TEX11: variants seen among roughly 807,000 people sequenced by gnomAD.
TEX11 encodes the protein testis-expressed protein 11.
A neutral mutation model predicts 84.4 loss-of-function variants in TEX11; 7 were observed. The observed-to-expected ratio is 0.08, with a 90% CI of 0.05 to 0.16. The LOEUF (loss-of-function observed/expected upper bound fraction) is 0.16. Ranked by LOEUF, TEX11 falls within the 10% of genes least tolerant of loss-of-function variation. The probability of loss-of-function intolerance (pLI) is 1.00; values close to 1 mark genes in which losing one functional copy is unlikely to be tolerated. For missense variants in TEX11, 551 were observed against 660.5 expected (o/e 0.83, Z 1.82); for synonymous variants, 264 against 222.8 (o/e 1.18, Z -1.64).
intron 13 of TEX11, among the ~76,000 whole-genome samples, chrX:70,700,268 A>C (rs763958647): frequency 3.8e-4 from 42 of 111,198 alleles, no homozygotes; most frequent in South Asian, 7.7e-4. Context: ...AGCACGTGCC[A>C]CCAGATACTG....
chrX:70,722,025 T>C (rs1043571295), intron 13 of TEX11, among the ~76,000 whole-genome samples: 2 of 111,815 alleles, frequency 1.8e-5, no homozygotes, highest in African/African-American at 6.5e-5. Context: ...TTCTTAACCA[T>C]AAAAGTGGAG....
intron 9 of TEX11, among the ~76,000 whole-genome samples, chrX:70,788,237 TG>T (rs2147791990): frequency 8.9e-6 from 1 of 111,806 alleles, no homozygotes; most frequent in East Asian, 2.8e-4. Context: ...TACAGCTGGA[TG>T]GTTCACACAA....
chrX:70,900,395 AAAG>A (rs1556245993), intron 2 of TEX11, among the ~76,000 whole-genome samples: 1 of 60,087 alleles, frequency 1.7e-5, no homozygotes, highest in African/African-American at 5.6e-5. Flanking sequence ...AAAAAAAAAA[AAAG>A]AAGAAGAAGA....
intron 17 of TEX11, among the ~76,000 whole-genome samples, chrX:70,640,796 T>G (rs2089646541): frequency 9.1e-6 from 1 of 109,996 alleles, no homozygotes; most frequent in African/African-American, 3.3e-5. Flanking sequence ...GAACAACGGG[T>G]ACCAGCTGCT....
chrX:70,826,507 G>A (rs1201580267), intron 8 of TEX11, among the ~76,000 whole-genome samples: 1 of 111,500 alleles, frequency 9.0e-6, no homozygotes, highest in African/African-American at 3.3e-5. Context: ...GCATTGAAGA[G>A]GGCAGGATAA....
At chrX:70,861,486 A>T (rs2091569803) in intron 4 of TEX11, among the ~76,000 whole-genome samples, 1 of 106,868 alleles carries the variant, frequency 9.4e-6, no homozygotes, top group South Asian at 4.2e-4. Flanking sequence ...TATTTTTGAG[A>T]TGGAGTCTCA....
intron 4 of TEX11, among the ~76,000 whole-genome samples, chrX:70,872,766 T>A (rs1454064887): frequency 1.8e-5 from 2 of 112,139 alleles, no homozygotes; most frequent in Non-Finnish European, 1.9e-5. Flanking sequence ...TGTTTATCAA[T>A]CCATCTCCTG....
intron 2 of TEX11, among the ~76,000 whole-genome samples, chrX:70,884,781 T>G (rs2091699495): frequency 9.1e-6 from 1 of 110,006 alleles, no homozygotes; most frequent in Non-Finnish European, 1.9e-5. Context: ...AGCAGTGTCC[T>G]GATCCTGGAG....
chrX:70,718,505 G>A (rs1403576970), intron 13 of TEX11, among the ~76,000 whole-genome samples: 3 of 111,919 alleles, frequency 2.7e-5, no homozygotes, highest in South Asian at 3.7e-4. Flanking sequence ...GAGCACTTTC[G>A]CGAGAAAGAT....
intron 17 of TEX11, among the ~76,000 whole-genome samples, chrX:70,638,678 G>A (rs2089604982): frequency 9.3e-6 from 1 of 107,780 alleles, no homozygotes; most frequent in Non-Finnish European, 1.9e-5. Flanking sequence ...GCATGTGCCT[G>A]TAGTCCCAGC....
intron 9 of TEX11, among the ~76,000 whole-genome samples, chrX:70,804,354 G>C (rs2091206162): frequency 8.9e-6 from 1 of 112,181 alleles, no homozygotes. Flanking sequence ...TCTACTGTTA[G>C]AAAAACTATT....
At chrX:70,760,347 T>C (rs1364104170) in intron 9 of TEX11, among the ~76,000 whole-genome samples, 3 of 111,873 alleles carry the variant, frequency 2.7e-5, no homozygotes, top group Non-Finnish European at 5.6e-5. Context: ...GGCATCATGC[T>C]ACCTGACTTC....
intron 13 of TEX11, among the ~76,000 whole-genome samples, chrX:70,688,958 T>C (rs1305684248): frequency 1.8e-5 from 2 of 108,897 alleles, no homozygotes; most frequent in Non-Finnish European, 3.8e-5. Context: ...ATAAGTAGAG[T>C]CTGTAAGAAT....
At chrX:70,785,451 A>T (rs1304081270) in intron 9 of TEX11, among the ~76,000 whole-genome samples, 1 of 112,166 alleles carries the variant, frequency 8.9e-6, no homozygotes, top group Non-Finnish European at 1.9e-5. Flanking sequence ...TGGCAACAAA[A>T]GCCAAAATTG....
chrX:70,894,623 T>TAA (rs756394243), intron 2 of TEX11, among the ~76,000 whole-genome samples: 1 of 94,581 alleles, frequency 1.1e-5, no homozygotes. Context: ...AGACTCCGTC[T>TAA]AAAAAAAAAA....
intron 11 of TEX11, among the ~76,000 whole-genome samples, chrX:70,728,092 A>G (rs2090613363): frequency 3.6e-5 from 4 of 112,606 alleles, no homozygotes; most frequent in African/African-American, 1.3e-4. Context: ...TGTGAAACTT[A>G]TTTGTTTTCA....
chrX:70,570,780 T>C (rs1030930805), intron 25 of TEX11, among the ~76,000 whole-genome samples: 1 of 111,617 alleles, frequency 9.0e-6, no homozygotes, highest in African/African-American at 3.3e-5. Context: ...TTGGTAGCTG[T>C]ACTTTTCAAG....
chrX:70,539,038 A>ATATATATATATATATATATATTT lies in TEX11; in HGVS notation c.2521-9040_2521-9039insAAATATATATATATATATATATA. 9.7e-5 allele frequency among the ~76,000 whole-genome samples: 4 copies of ATATATATATATATATATATATTT among 41,241 alleles called. 1 individual carries two copies. Among genetic ancestry groups the ATATATATATATATATATATATTT allele is most frequent in the Admixed American group, 5.4e-4 (1 of 1,865 alleles). The allele number at this position is 41,241 out of a possible 115,157, so 35.8% of individuals were successfully genotyped here. A position where few individuals can be genotyped will look rare whatever the true frequency, so the allele number is the denominator to read the frequency against. On this transcript the variant is annotated intron_variant, in intron 28 of 29. Transcript: ENST00000374333. ...CTTGGAAATATATATATATATATAT[A>ATATATATATATATATATATATTT]TTTTTTTTTTTTTTAAGATGGAGTC...
chrX:70,714,528 T>A (rs1176325105), intron 13 of TEX11, among the ~76,000 whole-genome samples: 1 of 111,975 alleles, frequency 8.9e-6, no homozygotes, highest in Non-Finnish European at 1.9e-5. Flanking sequence ...TTTGTATTGA[T>A]CCCTTTACCA....
Sources: allele counts gnomAD v4.1 joint callset (sites outside exome capture counted in the v4.1 genomes callset), GRCh38; gene constraint gnomAD v4.1.1; transcripts MANE v1.5; gene names NCBI Gene and HGNC (gene_info 2026-07-23, HGNC 2026-07-21).